Variants in CRELD1 observed in about 807,000 individuals in gnomAD.
CRELD1 encodes the protein CRELD disulfide isomerase 1, also known as protein disulfide isomerase CRELD1.
Under a neutral mutation model 58.2 loss-of-function variants are expected in CRELD1, and 42 were observed. The ratio of observed to expected loss-of-function variants is 0.72; its 90% CI spans 0.56 to 0.93. The LOEUF is 0.93. CRELD1 is among the 40% of genes least tolerant of loss of function. The pLI, the probability that CRELD1 is intolerant of heterozygous loss-of-function variation, is 0.00. For missense variants in CRELD1, 500 were observed against 540.6 expected (o/e 0.92, Z 0.74); for synonymous variants, 222 against 202.0 (o/e 1.10, Z -0.84).
At position 9,944,403 on chromosome 3, in the gene CRELD1, T is replaced by G; in HGVS notation, c.1087T>G (p.Leu363Val). Residue 363 changes from leucine to valine, a missense_variant, in exon 11 of 11, where the codon TTG becomes GTG. Leu to Val is a conservative substitution (Grantham distance 32). Coordinates refer to ENST00000452070, the MANE Select transcript of CRELD1 (RefSeq NM_001077415.3). ...GFFSEMTEDE[L>V]VVLQQMFFGI... ...CTTCTCAGAGATGACAGAAGACGAG[T>G]TGGTGGTGCTGCAGCAGATGTTCTT... is the stretch of plus-strand genomic sequence containing the variant. The G allele has an allele frequency of 6.2e-7, 1 of 1,614,060 alleles. No homozygotes were observed. Among genetic ancestry groups the G allele is most frequent in the Non-Finnish European group, 8.5e-7 (1 of 1,180,022 alleles).
At position 9,937,623 on chromosome 3, in the gene CRELD1, C is replaced by G; in HGVS notation, c.319C>G (p.Arg107Gly). ...VCSKSDFECH[R>G]LLELSEELVE... is the part of the protein sequence containing the mutation. ...CAGCAAGTCAGACTTCGAGTGCCAC[C>G]GCCTGCTGGAGCTGAGTGAGGAGCT... The change falls in exon 4 of 11, where the codon CGC (arginine) becomes GGC (glycine). Residue 107 changes from arginine to glycine, a missense_variant. By Grantham distance (125) the Arg-to-Gly change is moderately radical (BLOSUM62 -2). Coordinates refer to ENST00000452070, the MANE Select transcript of CRELD1 (RefSeq NM_001077415.3). 2.5e-6 allele frequency: 4 copies of G among 1,612,252 alleles called. No individual in the cohort carries two copies. The highest frequency in any genetic ancestry group is 3.4e-6 in the Non-Finnish European group (4 of 1,179,600).
intron 8 of CRELD1, 21 bp downstream of exon 8, chr3:9,942,917 A>AG: frequency 6.2e-7 from 1 of 1,605,900 alleles, no homozygotes; most frequent in Non-Finnish European, 8.5e-7. Context: ...ACTTCTGCAG[A>AG]GGAGGGGACG....
chr3:9,942,207 GTTGCAGTGAGCCAAGATCACACCA>G (rs1239911580), intron 7 of CRELD1, among the ~76,000 whole-genome samples: 8 of 151,368 alleles, frequency 5.3e-5, no homozygotes, highest in Non-Finnish European at 8.8e-5. Flanking sequence ...GGAGGCAGAG[GTTGCAGTGAGCCAAGATCACACCA>G]TTGCACTCTA....
In CRELD1 at chr3:9,942,889, G is replaced by A; in HGVS notation, c.810G>A (p.Glu270=). 1 of 1,613,998 alleles carries A rather than the reference G, an allele frequency of 6.2e-7. No homozygotes were observed. The highest frequency in any genetic ancestry group is 2.2e-5 in the East Asian group (1 of 44,888). Residue 270 remains glutamate, a synonymous_variant, in exon 8 of 11, where the codon GAG becomes GAA. Coordinates refer to ENST00000452070, the MANE Select transcript of CRELD1 (RefSeq NM_001077415.3). ...QFCVNTEGSY[E]CRDCAKACLG... is the part of the protein sequence containing the mutation. The stretch of plus-strand genomic sequence containing the variant: ...GCGTGAACACTGAGGGCTCCTATGA[G>A]TGCCGAGGTCAGTGTCTACTTCTGC...
chr3:9,940,130 C>T (rs1453470561), intron 5 of CRELD1, among the ~76,000 whole-genome samples: 1 of 151,482 alleles, frequency 6.6e-6, no homozygotes, highest in Non-Finnish European at 1.5e-5. Flanking sequence ...CAGAGACGCT[C>T]CTCACTTCCT....
chr3:9,936,486 T>A (rs2085196616), intron 3 of CRELD1, among the ~76,000 whole-genome samples: 1 of 151,968 alleles, frequency 6.6e-6, no homozygotes. Context: ...TGTGTGTATA[T>A]ATATATGTGT....
chr3:9,935,092 T>G, intron 3 of CRELD1, 175 bp downstream of exon 3: 3 of 602,988 alleles, frequency 5.0e-6, no homozygotes. Flanking sequence ...GAGCTCACAT[T>G]CTAGTAGAGA....
chr3:9,937,518 TG>T, intron 3 of CRELD1, 43 bp from the exon 4 acceptor site: 1 of 1,285,248 alleles, frequency 7.8e-7, no homozygotes, highest in Non-Finnish European at 1.1e-6. Flanking sequence ...GGGTGGTGGG[TG>T]GGGTGGGGCA....
rs1559339535 is a variant in CRELD1, at chr3:9,944,370, G to A, written c.1054G>A (p.Ala352Thr). 1 of 1,613,810 alleles carries A rather than the reference G, an allele frequency of 6.2e-7. No homozygotes were observed. Among genetic ancestry groups the A allele is most frequent in the Non-Finnish European group, 8.5e-7 (1 of 1,179,816 alleles). Residue 352 changes from alanine (A) to threonine (T), a missense_variant, in exon 11 of 11, where the codon GCA becomes ACA. By Grantham distance (58) the Ala-to-Thr change is moderately conservative. Coordinates refer to ENST00000452070, the MANE Select transcript of CRELD1 (RefSeq NM_001077415.3). ...CATCTCTTGCTCCTCTGCAGAGTCAGCAGGCTTCTTCTCAGAGATGACAGA... is the reference window on the plus strand; with the variant it reads ...CATCTCTTGCTCCTCTGCAGAGTCAACAGGCTTCTTCTCAGAGATGACAGA... ...ICVKEQIPES[A>T]GFFSEMTEDE...
At chr3:9,939,486 G>A (rs1216572469) in intron 5 of CRELD1, among the ~76,000 whole-genome samples, 1 of 152,132 alleles carries the variant, frequency 6.6e-6, no homozygotes, top group Non-Finnish European at 1.5e-5. Flanking sequence ...GCGGCCTTCC[G>A]CAGTGTTTGT....
intron 3 of CRELD1, among the ~76,000 whole-genome samples, chr3:9,937,146 A>G (rs2085217943): frequency 6.6e-6 from 1 of 152,156 alleles, no homozygotes. Flanking sequence ...CACAGTGGTG[A>G]TGCCATTTTG....
chr3:9,940,157 G>A (rs980956399), intron 5 of CRELD1, among the ~76,000 whole-genome samples: 1 of 151,386 alleles, frequency 6.6e-6, no homozygotes, highest in African/African-American at 2.4e-5. Context: ...GATGGCGGCC[G>A]GGCAGAGACG....
chr3:9,940,682 GGGGAGA>G (rs1218482862), intron 5 of CRELD1, among the ~76,000 whole-genome samples, 162 bp from the exon 6 acceptor site: 1 of 141,910 alleles, frequency 7.0e-6, no homozygotes, highest in African/African-American at 2.6e-5. Flanking sequence ...GGGAGACCAT[GGGGAGA>G]GGGAGAGGGA....
Position 9,940,100 on chromosome 3 carries a change from C to T in CRELD1, c.461-750C>T, listed in dbSNP as rs553001912. On this transcript the variant is annotated intron_variant, in intron 5 of 10. Transcript: ENST00000452070. Reference sequence around the variant, plus strand: ...CCGGGCAGAGACGCTCCTCACCTCCCAGACGGGGTCGCGGCCGGGCAGAGA... The same window carrying T: ...CCGGGCAGAGACGCTCCTCACCTCCTAGACGGGGTCGCGGCCGGGCAGAGA... Among the ~76,000 whole-genome samples, 383 of 151,608 alleles carry T rather than the reference C, an allele frequency of 2.5e-3. 1 individual carries two copies. The highest frequency in any genetic ancestry group is 9.0e-3 in the African/African-American group (373 of 41,228).
At chr3:9,934,813 A>G (rs2085123501) in intron 2 of CRELD1, 22 bp from the exon 3 acceptor site, 1 of 1,602,826 alleles carries the variant, frequency 6.2e-7, no homozygotes, top group Non-Finnish European at 8.5e-7. Context: ...GTACTTAGCT[A>G]TTACTAATTT....
chr3:9,943,113 G>T lies in CRELD1; in HGVS notation c.854G>T (p.Gly285Val). ...AKACLGCMGAGPGRCKKCSPG... is the reference protein window; with the variant it reads ...AKACLGCMGAVPGRCKKCSPG... ...GCCTGCCTAGGCTGCATGGGGGCAG[G>T]GCCAGGTCGCTGTAAGAAGTGTAGC... Residue 285 changes from glycine to valine, a missense_variant, in exon 9 of 11, where the codon GGG becomes GTG. Physicochemically the swap from Gly to Val is moderately radical, Grantham distance 109 (BLOSUM62 -3). Transcript: ENST00000452070. 6.2e-7 allele frequency: 1 copy of T among 1,613,742 alleles called. No individual in the cohort carries two copies. Among genetic ancestry groups the T allele is most frequent in the African/African-American group, 1.3e-5 (1 of 74,992 alleles).
intron 10 of CRELD1, 157 bp downstream of exon 10, chr3:9,943,672 C>T: frequency 1.0e-6 from 1 of 985,392 alleles, no homozygotes; most frequent in South Asian, 4.7e-5. Flanking sequence ...ATCTGATCTC[C>T]AGGTTGGCTC....
At chr3:9,940,628 G>C (rs2124846762) in intron 5 of CRELD1, among the ~76,000 whole-genome samples, 1 of 151,002 alleles carries the variant, frequency 6.6e-6, no homozygotes, top group Non-Finnish European at 1.5e-5. Flanking sequence ...GTACAGTCCA[G>C]CTTCAGCTTG....
At chr3:9,936,114 TG>T (rs1575634846) in intron 3 of CRELD1, 1 of 152,230 alleles carries the variant, frequency 6.6e-6, no homozygotes, top group African/African-American at 2.4e-5. Flanking sequence ...GAGTTAGACC[TG>T]GTTGTCGGTT....
Sources: gnomAD v4.1 joint callset for allele counts (sites outside exome capture counted in the v4.1 genomes callset) on GRCh38, gnomAD v4.1.1 for gene constraint, MANE v1.5 for transcripts, NCBI Gene and HGNC (gene_info 2026-07-23, HGNC 2026-07-21) for gene names.